The following MAP4 variants were observed in gnomAD, a reference collection of about 807,000 sequenced individuals.
The protein encoded by MAP4 is microtubule-associated protein 4.
Under a neutral mutation model 170.2 loss-of-function variants are expected in MAP4, and 76 were observed. That is an observed-to-expected ratio of 0.45 (90% CI 0.37 to 0.54). The LOEUF (loss-of-function observed/expected upper bound fraction) is 0.54. Ranked by LOEUF, MAP4 falls within the 20% of genes least tolerant of loss-of-function variation. MAP4 has a pLI of 0.00. For synonymous variants in MAP4, 909 were observed against 994.5 expected, an observed-to-expected ratio of 0.91 and a Z score of 1.62; for missense variants, 2,506 against 2,748.0, an observed-to-expected ratio of 0.91 and a Z score of 1.97.
At chr3:47,995,487 G>A (rs2154360488) in intron 2 of MAP4, among the ~76,000 whole-genome samples, 1 of 152,184 alleles carries the variant, frequency 6.6e-6, no homozygotes, top group East Asian at 1.9e-4. Context: ...CTGACCTCAG[G>A]TGAGCCACCT....
At chr3:48,037,662 T>A (rs2100119414) in intron 1 of MAP4, among the ~76,000 whole-genome samples, 1 of 152,062 alleles carries the variant, frequency 6.6e-6, no homozygotes, top group South Asian at 2.1e-4. Context: ...CCCAAAGTGC[T>A]AGGATTACAG....
chr3:48,017,352 T>C (rs958519818), upstream of MAP4, among the ~76,000 whole-genome samples: 5 of 152,184 alleles, frequency 3.3e-5, no homozygotes, highest in Non-Finnish European at 7.4e-5. Context: ...TACCTTTACC[T>C]ACCTACTACT....
intron 1 of MAP4, among the ~76,000 whole-genome samples, chr3:48,051,873 A>T (rs1291434538): frequency 1.3e-5 from 2 of 152,212 alleles, no homozygotes; most frequent in Non-Finnish European, 2.9e-5. Flanking sequence ...ACCATGTAAG[A>T]TAATATCCTA....
chr3:48,039,569 C>G (rs965550091), intron 1 of MAP4: 10 of 152,240 alleles, frequency 6.6e-5, no homozygotes, highest in African/African-American at 2.4e-4. Context: ...AGTTTTCAAA[C>G]TTTAACGTGG....
At chr3:47,878,061 G>C (rs2095868579) in intron 10 of MAP4, among the ~76,000 whole-genome samples, 1 of 152,128 alleles carries the variant, frequency 6.6e-6, no homozygotes, top group South Asian at 2.1e-4. Flanking sequence ...CATGGAACCA[G>C]ACTCAGGGCC....
intron 3 of MAP4, among the ~76,000 whole-genome samples, chr3:47,933,337 A>G (rs1002729158): frequency 7.2e-5 from 11 of 152,170 alleles, no homozygotes; most frequent in Non-Finnish European, 1.5e-4. Flanking sequence ...CCATAATATT[A>G]CTAAGAATCA....
intron 3 of MAP4, among the ~76,000 whole-genome samples, chr3:47,966,953 T>C (rs1035148266): frequency 6.6e-6 from 1 of 152,238 alleles, no homozygotes; most frequent in African/African-American, 2.4e-5. Flanking sequence ...GTTTTGTCTA[T>C]TCAGGAGGGC....
At chr3:47,980,314 AT>A (rs2100084739) in intron 2 of MAP4, among the ~76,000 whole-genome samples, 1 of 152,214 alleles carries the variant, frequency 6.6e-6, no homozygotes, top group Non-Finnish European at 1.5e-5. Context: ...TATATCTAAC[AT>A]TTTAGCAACC....
intron 3 of MAP4, among the ~76,000 whole-genome samples, chr3:47,971,207 T>A (rs2100078537): frequency 6.6e-6 from 1 of 152,224 alleles, no homozygotes; most frequent in South Asian, 2.1e-4. Context: ...AGGAATTTGG[T>A]GGAGTTCGGA....
chr3:48,000,156 A>C (rs2100098316), intron 1 of MAP4, among the ~76,000 whole-genome samples: 1 of 142,830 alleles, frequency 7.0e-6, no homozygotes, highest in Non-Finnish European at 1.5e-5. Flanking sequence ...TGGAGGCTAC[A>C]GTGAACCGAG....
At chr3:47,891,618 G>T in intron 10 of MAP4, 1 of 1,535,916 alleles carries the variant, frequency 6.5e-7, no homozygotes, top group Middle Eastern at 1.7e-4. Context: ...TTTTTCTGCT[G>T]GGGGGCTTGG....
chr3:48,010,466 T>C (rs947550303), intron 1 of MAP4, among the ~76,000 whole-genome samples: 9 of 152,250 alleles, frequency 5.9e-5, no homozygotes, highest in Admixed American at 5.2e-4. Context: ...TAACTTTATG[T>C]AATAGTATTT....
chr3:47,945,081 G>A (rs1469657327), intron 3 of MAP4, among the ~76,000 whole-genome samples: 2 of 151,730 alleles, frequency 1.3e-5, no homozygotes, highest in South Asian at 2.1e-4. Flanking sequence ...GGCCAGGCGC[G>A]GTGGCTCACA....
chr3:48,025,477 C>A (rs955898811), intron 1 of MAP4, among the ~76,000 whole-genome samples: 3 of 151,690 alleles, frequency 2.0e-5, no homozygotes, highest in Admixed American at 6.6e-5. Context: ...TTAGTAGAGA[C>A]GGGTTTTCAC....
chr3:47,909,732 T>C lies in MAP4; in HGVS notation c.4689A>G (p.Ser1563=), dbSNP rs758766535. Reference sequence around the variant, plus strand: ...TTGCTAGCTCTGTGACTTTCTCTACTGAATGCTTAGACGCACCACTGTGCA... The same window carrying C: ...TTGCTAGCTCTGTGACTTTCTCTACCGAATGCTTAGACGCACCACTGTGCA... ...ESVHSGASKH[S]VEKVTELAKG... Residue 1563 remains serine (S), a synonymous_variant, in exon 9 of 21, where the codon TCA becomes TCG. Transcript: ENST00000683076. The C allele has an allele frequency of 8.7e-6, 14 of 1,614,054 alleles. No homozygotes were observed. The South Asian group carries it at 1.4e-4, about 16-fold the overall frequency.
intron 13 of MAP4, 134 bp downstream of exon 13, chr3:47,871,783 G>A (rs1264907319): frequency 1.0e-5 from 8 of 771,526 alleles, no homozygotes; most frequent in African/African-American, 1.7e-5. Context: ...ACTGTTCCAG[G>A]TAGTCCACTA....
intron 3 of MAP4, among the ~76,000 whole-genome samples, chr3:47,946,654 C>CAAA (rs11427271): frequency 0.034 from 1,289 of 37,702 alleles, 38 homozygotes; most frequent in African/African-American, 0.049. Flanking sequence ...AACTCCGTCT[C>CAAA]AAAAAAAAAA....
intron 14 of MAP4, 48 bp downstream of exon 14, chr3:47,871,179 G>A: frequency 6.2e-7 from 1 of 1,612,276 alleles, no homozygotes; most frequent in Non-Finnish European, 8.5e-7. Flanking sequence ...CCACAGAGGA[G>A]GTGGGGGTTC....
chr3:48,029,135 ACT>A, intron 1 of MAP4, among the ~76,000 whole-genome samples: 1 of 150,998 alleles, frequency 6.6e-6, no homozygotes, highest in Non-Finnish European at 1.5e-5. Context: ...ACAGAGTGAG[ACT>A]CTGTCTCAAA....
Sources: allele counts gnomAD v4.1 joint callset (sites outside exome capture counted in the v4.1 genomes callset), GRCh38; gene constraint gnomAD v4.1.1; transcripts MANE v1.5; gene names NCBI Gene and HGNC (gene_info 2026-07-23, HGNC 2026-07-21).